The following ARMC3 variants were observed in gnomAD, a reference collection of about 807,000 sequenced individuals.
ARMC3 encodes the protein armadillo repeat-containing protein 3.
A neutral mutation model predicts 90.3 loss-of-function variants in ARMC3; 74 were observed. That is an observed-to-expected ratio of 0.82 (90% CI 0.68 to 0.99). The LOEUF (loss-of-function observed/expected upper bound fraction) is 0.99, where lower values mean the gene tolerates loss of function less well. Among genes scored for constraint, ARMC3 ranks in the 50% least tolerant of loss-of-function variants. The probability of loss-of-function intolerance (pLI) is 0.00; values close to 1 mark genes in which losing one functional copy is unlikely to be tolerated. For missense variants in ARMC3, 958 were observed against 1,042.8 expected (o/e 0.92, Z 1.12); for synonymous variants, 334 against 361.8 (o/e 0.92, Z 0.87).
intron 2 of ARMC3, among the ~76,000 whole-genome samples, chr10:22,932,610 A>G (rs1410056109): frequency 1.3e-5 from 2 of 152,184 alleles, no homozygotes; most frequent in African/African-American, 4.8e-5. Context: ...AACTTTATCA[A>G]TTATTGAAAG....
rs77000509 is a variant in ARMC3, at chr10:23,014,406, G to T, written c.2045+5475G>T. The T allele has an allele frequency of 2.4e-3, 2,875 of 1,175,494 alleles. 58 individuals are homozygous for T. In the African/African-American group the frequency reaches 0.04, roughly 16 times the overall value. 72.8% of individuals were successfully genotyped at this position (1,175,494 alleles called of 1,614,324 possible). On this transcript the variant is annotated intron_variant, in intron 16 of 18. Coordinates refer to ENST00000298032, the MANE Select transcript of ARMC3 (RefSeq NM_173081.5). ...CCTGTTGTCCTGTTGCCTGTCTTTT[G>T]GTCAACCCTTCTTGTCTTATGACTA... is the stretch of plus-strand genomic sequence containing the variant.
intron 11 of ARMC3, among the ~76,000 whole-genome samples, chr10:23,000,262 C>T (rs1837220400): frequency 6.6e-6 from 1 of 152,128 alleles, no homozygotes; most frequent in South Asian, 2.1e-4. Context: ...TCTGCTCTCA[C>T]AGCTATACCT....
At chr10:23,006,615 C>T (rs1034050702) in intron 13 of ARMC3, 5 of 368,114 alleles carry the variant, frequency 1.4e-5, no homozygotes, top group African/African-American at 8.5e-5. Flanking sequence ...CCAAATACTT[C>T]CAGGGGCCAA....
At chr10:22,986,372 C>T (rs1331527240) in intron 10 of ARMC3, among the ~76,000 whole-genome samples, 1 of 151,782 alleles carries the variant, frequency 6.6e-6, no homozygotes, top group South Asian at 2.1e-4. Context: ...GCCAACATGG[C>T]AAAACCCCAT....
chr10:22,990,556 G>A (rs1836661168), intron 10 of ARMC3, among the ~76,000 whole-genome samples: 1 of 152,120 alleles, frequency 6.6e-6, no homozygotes, highest in Non-Finnish European at 1.5e-5. Flanking sequence ...GTCCTTGAGT[G>A]GAATATATCA....
chr10:23,014,523 G>C (rs968490007), intron 16 of ARMC3: 1 of 1,000,730 alleles, frequency 1.0e-6, no homozygotes, highest in African/African-American at 1.7e-5. Context: ...AAAAGAGTGA[G>C]ACAATAGCAA....
chr10:22,934,916 G>A (rs1029996534), intron 2 of ARMC3, among the ~76,000 whole-genome samples: 1 of 152,152 alleles, frequency 6.6e-6, no homozygotes, highest in African/African-American at 2.4e-5. Flanking sequence ...AGGCATGGAC[G>A]ACCAGCTGGC....
intron 10 of ARMC3, among the ~76,000 whole-genome samples, chr10:22,983,821 C>T (rs949227388): frequency 6.6e-6 from 1 of 152,092 alleles, no homozygotes; most frequent in African/African-American, 2.4e-5. Flanking sequence ...TTAGTAATGC[C>T]AAATATAACA....
intron 2 of ARMC3, among the ~76,000 whole-genome samples, chr10:22,942,514 C>T (rs1834360777): frequency 6.6e-6 from 1 of 152,072 alleles, no homozygotes; most frequent in Admixed American, 6.5e-5. Flanking sequence ...GCTACAATAA[C>T]TATGAAAAGC....
chr10:22,994,892 T>G (rs1269181061), intron 10 of ARMC3, among the ~76,000 whole-genome samples: 1 of 152,254 alleles, frequency 6.6e-6, no homozygotes, highest in African/African-American at 2.4e-5. Flanking sequence ...AAACAGATGT[T>G]TTCATACATT....
chr10:22,975,531 C>T (rs1211756741), intron 8 of ARMC3, among the ~76,000 whole-genome samples: 1 of 152,154 alleles, frequency 6.6e-6, no homozygotes, highest in Non-Finnish European at 1.5e-5. Context: ...CACCATCGCA[C>T]TCCAGCCTGG....
intron 2 of ARMC3, among the ~76,000 whole-genome samples, chr10:22,937,058 A>C (rs1834138257): frequency 6.6e-6 from 1 of 152,056 alleles, no homozygotes; most frequent in Non-Finnish European, 1.5e-5. Flanking sequence ...ATACACCGCC[A>C]TACCCGGCTA....
At chr10:22,972,456 T>C (rs761816502) in intron 8 of ARMC3, among the ~76,000 whole-genome samples, 8 of 152,224 alleles carry the variant, frequency 5.3e-5, no homozygotes, top group Non-Finnish European at 1.2e-4. Flanking sequence ...TAGAAAGGAA[T>C]TCAAGCAGAT....
At chr10:22,963,361 G>C (rs148892562) in intron 7 of ARMC3, among the ~76,000 whole-genome samples, 59 of 152,192 alleles carry the variant, frequency 3.9e-4, no homozygotes, top group African/African-American at 1.4e-3. Context: ...GTTAGAGCTA[G>C]GAAATATGTG....
chr10:22,971,543 C>T (rs982971952), intron 8 of ARMC3, among the ~76,000 whole-genome samples: 5 of 150,786 alleles, frequency 3.3e-5, no homozygotes, highest in Non-Finnish European at 7.4e-5. Flanking sequence ...TGGCTTCCAG[C>T]GATTCTCCTG....
rs1839161295 is a variant in ARMC3, at chr10:23,037,377, G to T, written c.2517G>T (p.Gly839=). 1.9e-6 allele frequency: 3 copies of T among 1,613,956 alleles called. No homozygotes were observed. The East Asian group carries it at 6.7e-5, about 36-fold the overall frequency. The change falls in exon 19 of 19, where the codon GGG becomes GGT. Residue 839 remains glycine (G), a synonymous_variant. Transcript: ENST00000298032. The part of the protein sequence containing the change: ...LQNDSRKGVI[G]GLPAPEMYVI... Reference sequence around the variant, plus strand: ...ATGACTCTCGGAAGGGAGTGATTGGGGGCCTCCCCGCTCCTGAGATGTACG... The same window carrying T: ...ATGACTCTCGGAAGGGAGTGATTGGTGGCCTCCCCGCTCCTGAGATGTACG...
At chr10:22,992,757 C>T (rs1370544889) in intron 10 of ARMC3, among the ~76,000 whole-genome samples, 6 of 152,108 alleles carry the variant, frequency 3.9e-5, no homozygotes, top group African/African-American at 1.2e-4. Context: ...GGATCATTAC[C>T]TTTGTTGAGA....
chr10:23,010,265 T>C (rs9663383), intron 16 of ARMC3, among the ~76,000 whole-genome samples: 122,378 of 140,568 alleles, frequency 0.87, 53,496 homozygotes, highest in Non-Finnish European at 0.92. Flanking sequence ...CTTCTCTTCC[T>C]TTCCCTTCCC....
At chr10:22,940,722 G>T (rs1217544746) in intron 2 of ARMC3, among the ~76,000 whole-genome samples, 2 of 152,198 alleles carry the variant, frequency 1.3e-5, no homozygotes, top group Admixed American at 6.5e-5. Flanking sequence ...TCGGCCTCAA[G>T]TGATTCTCCT....
Sources: gnomAD v4.1 joint callset for allele counts (sites outside exome capture counted in the v4.1 genomes callset) on GRCh38, gnomAD v4.1.1 for gene constraint, MANE v1.5 for transcripts, NCBI Gene and HGNC (gene_info 2026-07-23, HGNC 2026-07-21) for gene names.